ASB16: variants seen among roughly 807,000 people sequenced by gnomAD.
ASB16 encodes the protein ankyrin repeat and SOCS box containing 16, also known as ankyrin repeat and SOCS box protein 16.
ASB16 carries 44 observed loss-of-function variants against 39.1 expected under a neutral mutation model. The ratio of observed to expected loss-of-function variants is 1.13; its 90% confidence interval spans 0.88 to 1.45. The LOEUF (loss-of-function observed/expected upper bound fraction) is 1.45. Ranked by LOEUF, ASB16 falls within the 40% of genes most tolerant of loss-of-function variation. ASB16 has a pLI of 0.00. For missense variants in ASB16, 698 were observed against 634.5 expected, an observed-to-expected ratio of 1.10 and a Z score of -1.07; for synonymous variants, 305 against 286.7, an observed-to-expected ratio of 1.06 and a Z score of -0.64.
chr17:44,170,795 A>G lies in ASB16; in HGVS notation c.6A>G (p.Ala2=). Residue 2 remains alanine (A), a synonymous_variant, in exon 1 of 5, where the codon GCA becomes GCG. Coordinates refer to ENST00000293414, the MANE Select transcript of ASB16 (RefSeq NM_080863.5). ...CAAACCCCTGGGCCCCATCCATGGC[A>G]AGAGAGACCTTCCCCTTCACCTCCT... M[A]RETFPFTSSM... is the part of the protein sequence containing the mutation. 1 of 1,594,982 alleles carries G rather than the reference A, an allele frequency of 6.3e-7. No individual in the cohort carries two copies. Among genetic ancestry groups the G allele is most frequent in the Non-Finnish European group, 8.5e-7 (1 of 1,170,386 alleles).
chr17:44,177,610 T>A lies in ASB16; in HGVS notation c.1064T>A (p.Met355Lys). The change falls in exon 4 of 5, where the codon ATG becomes AAG. Residue 355 changes from methionine to lysine, a missense_variant and splice_region_variant. Physicochemically the swap from Met to Lys is moderately conservative, Grantham distance 95. Transcript: ENST00000293414. Reference sequence around the variant, plus strand: ...CCAAGACCCTCTTTTGACCCCTAGATGCTGAAACACTGCGCCAACTTCCCT... The same window carrying A: ...CCAAGACCCTCTTTTGACCCCTAGAAGCTGAAACACTGCGCCAACTTCCCT... ...DYGAQPVRPE[M>K]LKHCANFPRA... is the part of the protein sequence containing the mutation. 6.2e-7 allele frequency: 1 copy of A among 1,613,536 alleles called. No homozygotes were observed.
rs2054339158 is a variant in ASB16 at position 44,178,896 on chromosome 17, GCAGACTCGGCCTGTTCC to G, written c.*519_*535del. 1 of 159,172 alleles carries G rather than the reference GCAGACTCGGCCTGTTCC, an allele frequency of 6.3e-6. No individual in the cohort carries two copies. Among genetic ancestry groups the G allele is most frequent in the African/African-American group, 2.4e-5 (1 of 41,478 alleles). 9.9% of individuals were successfully genotyped at this position (159,172 alleles called of 1,614,324 possible). On this transcript the variant is annotated 3_prime_UTR_variant, in exon 5 of 5. Coordinates refer to ENST00000293414, the MANE Select transcript of ASB16 (RefSeq NM_080863.5). ...GACCCTCTCTCCAGCAGGAAGGGCT[GCAGACTCGGCCTGTTCC>G]CAGACTCGGCCTTCACCTCCCTTCT... is the stretch of plus-strand genomic sequence containing the variant.
At chr17:44,178,085 C>A in intron 4 of ASB16, 120 bp from the exon 5 acceptor site, 1 of 1,057,172 alleles carries the variant, frequency 9.5e-7, no homozygotes, top group Middle Eastern at 2.9e-4. Context: ...AATCTGAGTC[C>A]TTTGAGACAC....
intron 2 of ASB16, 21 bp from the exon 3 acceptor site, chr17:44,176,717 A>G: frequency 6.2e-7 from 1 of 1,613,942 alleles, no homozygotes; most frequent in Non-Finnish European, 8.5e-7. Flanking sequence ...TTTCCTCAGG[A>G]CCTTGCTCTC....
At chr17:44,175,101 C>CA (rs11479738) in intron 2 of ASB16, among the ~76,000 whole-genome samples, 2,317 of 95,914 alleles carry the variant, frequency 0.024, 46 homozygotes, top group Non-Finnish European at 0.038. Context: ...GACTCTGCCT[C>CA]AAAAAAAAAA....
In ASB16 at chr17:44,176,826, C is replaced by T. The variant is rs750670230; in HGVS notation, c.658C>T (p.Arg220Cys). The change falls in exon 3 of 5, where the codon CGC becomes TGC. Residue 220 changes from arginine (R) to cysteine (C), a missense_variant. Arg to Cys is a radical substitution (Grantham distance 180). Coordinates refer to ENST00000293414, the MANE Select transcript of ASB16 (RefSeq NM_080863.5). ...GACGCCCCTGCACGTGGCGGCGGCG[C>T]GCGGCCTGGAGCAACATGTGGCTCT... is the stretch of plus-strand genomic sequence containing the variant. ...QETPLHVAAA[R>C]GLEQHVALYL... 11 of 1,612,906 alleles carry T rather than the reference C, an allele frequency of 6.8e-6. No individual in the cohort carries two copies. Among genetic ancestry groups the T allele is most frequent in the East Asian group, 2.2e-5 (1 of 44,876 alleles).
Position 44,170,884 on chromosome 17 carries a change from C to T in ASB16, c.95C>T (p.Ala32Val). 3 of 1,611,302 alleles carry T rather than the reference C, an allele frequency of 1.9e-6. No individual in the cohort carries two copies. The highest frequency in any genetic ancestry group is 2.7e-5 in the African/African-American group (2 of 75,006). Reference sequence around the variant, plus strand: ...GAATGGGAGGACCGGCGGCGGGCGGCTGCCCAGCAGTGCCGGAGCCGCAGG... The same window carrying T: ...GAATGGGAGGACCGGCGGCGGGCGGTTGCCCAGCAGTGCCGGAGCCGCAGG... The part of the protein sequence containing the change: ...WLEWEDRRRA[A>V]AQQCRSRRCP... The change falls in exon 1 of 5, where the codon GCT becomes GTT. Residue 32 changes from alanine to valine, a missense_variant. Physicochemically the swap from Ala to Val is moderately conservative, Grantham distance 64. Transcript: ENST00000293414.
chr17:44,172,385 A>T (rs1238400654), intron 2 of ASB16, 72 bp downstream of exon 2: 21 of 1,543,290 alleles, frequency 1.4e-5, no homozygotes, highest in Non-Finnish European at 1.8e-5. Context: ...AGGCCAGAAG[A>T]GGGAACCTGA....
In ASB16 at chr17:44,170,797, G is replaced by C. The variant is rs945211411; in HGVS notation, c.8G>C (p.Arg3Thr). 2 of 1,596,758 alleles carry C rather than the reference G, an allele frequency of 1.3e-6. No individual in the cohort carries two copies. The highest frequency in any genetic ancestry group is 2.7e-5 in the African/African-American group (2 of 74,578). MA[R>T]ETFPFTSSML... ...AACCCCTGGGCCCCATCCATGGCAA[G>C]AGAGACCTTCCCCTTCACCTCCTCC... Residue 3 changes from arginine (R) to threonine (T), a missense_variant, in exon 1 of 5, where the codon AGA becomes ACA. Arg to Thr is a moderately conservative substitution (Grantham distance 71). Coordinates refer to ENST00000293414, the MANE Select transcript of ASB16 (RefSeq NM_080863.5).
intron 2 of ASB16, chr17:44,176,421 G>T (rs982874126): frequency 1.6e-5 from 7 of 450,790 alleles, no homozygotes; most frequent in Non-Finnish European, 2.8e-5. Context: ...CCTTGGGGTG[G>T]AGACAGAGTA....
At chr17:44,173,141 C>CA (rs1368659410) in intron 2 of ASB16, among the ~76,000 whole-genome samples, 1 of 146,522 alleles carries the variant, frequency 6.8e-6, no homozygotes, top group Non-Finnish European at 1.5e-5. Context: ...GTAATCCCAG[C>CA]ACTTTGGGAG....
rs1171662650 is a variant in ASB16 at position 44,176,885 on chromosome 17, C to T, written c.717C>T (p.Arg239=). The T allele has an allele frequency of 8.1e-6, 13 of 1,602,830 alleles. No individual in the cohort carries two copies. The highest frequency in any genetic ancestry group is 2.2e-5 in the East Asian group (1 of 44,678). The change falls in exon 3 of 5, where the codon CGC becomes CGT. Residue 239 remains arginine, a synonymous_variant. Coordinates refer to ENST00000293414, the MANE Select transcript of ASB16 (RefSeq NM_080863.5). ...AGCATGGCGCCGACGTGGGCCTGCG[C>T]ACCAGCCAGGGCGAGACTGCGCTGA... ...YLEHGADVGL[R]TSQGETALNT...
At chr17:44,175,977 T>C (rs1009218430) in intron 2 of ASB16, 2 of 148,242 alleles carry the variant, frequency 1.3e-5, no homozygotes, top group African/African-American at 4.9e-5. Context: ...CTTGTATTTA[T>C]TTTTTTTTGG....
At chr17:44,174,245 C>T (rs1452118456) in intron 2 of ASB16, among the ~76,000 whole-genome samples, 1 of 151,990 alleles carries the variant, frequency 6.6e-6, no homozygotes, top group Non-Finnish European at 1.5e-5. Flanking sequence ...TGGGGTTTCA[C>T]TGTGTTAGCC....
Position 44,171,561 on chromosome 17 carries a change from T to TAAAAAAAAA in ASB16, c.302-477_302-469dup, listed in dbSNP as rs57839628. On this transcript the variant is annotated intron_variant, in intron 1 of 4. Transcript: ENST00000293414. ...CTGGGGGACAGAGCGAGACCCTGCC[T>TAAAAAAAAA]AAAAAAAAAAAAAAAAGAGACAAGG... Among the ~76,000 whole-genome samples, 32 of 97,680 alleles carry TAAAAAAAAA rather than the reference T, an allele frequency of 3.3e-4. 1 individual carries two copies. The highest frequency in any genetic ancestry group is 4.3e-4 in the Admixed American group (4 of 9,296). The allele number at this position is 97,680 out of a possible 152,430, so 64.1% of individuals were successfully genotyped here. A position where few individuals can be genotyped will look rare whatever the true frequency, so the allele number is the denominator to read the frequency against.
chr17:44,178,337 C>A lies in ASB16; in HGVS notation c.1309C>A (p.Pro437Thr), dbSNP rs147893305. The A allele has an allele frequency of 1.0e-4, 168 of 1,611,390 alleles. No individual in the cohort carries two copies. In the African/African-American group the frequency reaches 1.7e-3, roughly 16 times the overall value. ...CRQGATRLPL[P>T]PLLRDYLLLR... Reference sequence around the variant, plus strand: ...GCAGGGTGCCACCCGGCTGCCACTGCCCCCGCTCCTCAGGGACTACCTGCT... The same window carrying A: ...GCAGGGTGCCACCCGGCTGCCACTGACCCCGCTCCTCAGGGACTACCTGCT... The change falls in exon 5 of 5, where the codon CCC (proline) becomes ACC (threonine). Residue 437 changes from proline (P) to threonine (T), a missense_variant. Physicochemically the swap from Pro to Thr is conservative, Grantham distance 38. Coordinates refer to ENST00000293414, the MANE Select transcript of ASB16 (RefSeq NM_080863.5).
intron 2 of ASB16, among the ~76,000 whole-genome samples, chr17:44,175,602 G>A (rs1001966005): frequency 6.6e-6 from 1 of 152,102 alleles, no homozygotes; most frequent in Non-Finnish European, 1.5e-5. Context: ...GATTATCAGA[G>A]TTTCATCGAG....
intron 2 of ASB16, among the ~76,000 whole-genome samples, chr17:44,173,124 C>T (rs1455780460): frequency 6.9e-6 from 1 of 144,594 alleles, no homozygotes; most frequent in East Asian, 2.1e-4. Context: ...CGCCATGGCT[C>T]ACGCCTGTAA....
chr17:44,173,787 C>T (rs2054263008), intron 2 of ASB16, among the ~76,000 whole-genome samples: 1 of 152,132 alleles, frequency 6.6e-6, no homozygotes, highest in Non-Finnish European at 1.5e-5. Context: ...GTACTCCAAC[C>T]TGGACAACAG....
Sources: gnomAD v4.1 joint callset for allele counts (sites outside exome capture counted in the v4.1 genomes callset) on GRCh38, gnomAD v4.1.1 for gene constraint, MANE v1.5 for transcripts, NCBI Gene and HGNC (gene_info 2026-07-23, HGNC 2026-07-21) for gene names.